SDK2: variants seen among roughly 807,000 people sequenced by gnomAD.
SDK2 encodes protein sidekick-2.
SDK2 carries 105 observed loss-of-function variants against 253.9 expected under a neutral mutation model. That is an observed-to-expected ratio of 0.41 (90% CI 0.35 to 0.49). SDK2 has a LOEUF of 0.49. SDK2 is among the 20% of genes least tolerant of loss of function. The pLI is 0.06. For synonymous variants in SDK2, 1,249 were observed against 1,234.9 expected (o/e 1.01, Z -0.24); for missense variants, 2,608 against 3,003.0 (o/e 0.87, Z 3.07).
rs367745115 is a variant in SDK2 at position 73,612,917 on chromosome 17, A to AAATAATAATAATAATAAT, written c.64+31090_64+31107dup. Among the ~76,000 whole-genome samples the AAATAATAATAATAATAAT allele has an allele frequency of 3.9e-3, 585 of 151,558 alleles. 3 individuals are homozygous for AAATAATAATAATAATAAT. The highest frequency in any genetic ancestry group is 0.014 in the African/African-American group (575 of 41,298). On this transcript the variant is annotated intron_variant, in intron 1 of 44. Coordinates refer to ENST00000392650, the MANE Select transcript of SDK2 (RefSeq NM_001144952.2). The surrounding 1 kb of genome is among the most constrained non-coding windows in gnomAD (Gnocchi z 4.4). The stretch of plus-strand genomic sequence containing the variant: ...GGGTGACAGAGCGAGACTCCGTCTC[A>AAATAATAATAATAATAAT]AATAATAATAATAATAATAATAGTA...
rs751366982 is a variant in SDK2, at chr17:73,395,124, A to G, written c.3592+31T>C. Reference sequence around the variant, plus strand: ...CATAGAGACCAAGGAGGGGACAGGCAGCAGGGTGGCTGGGTGTGAGGGGTT... The same window carrying G: ...CATAGAGACCAAGGAGGGGACAGGCGGCAGGGTGGCTGGGTGTGAGGGGTT... On this transcript the variant is annotated intron_variant, in intron 25 of 44. Transcript: ENST00000392650. This position sits in a 1 kb window ranked among gnomAD's most constrained non-coding sequence, Gnocchi z 4.3. The G allele has an allele frequency of 3.3e-6, 5 of 1,531,424 alleles. No homozygotes were observed. In the African/African-American group the frequency reaches 4.1e-5, roughly 13 times the overall value. The allele number at this position is 1,531,424 out of a possible 1,614,324, so 94.9% of individuals were successfully genotyped here.
Position 73,431,669 on chromosome 17 carries a change from CCT to C in SDK2, c.1313-2_1313-1del. On this transcript the variant is annotated splice_acceptor_variant, in intron 10 of 44. Transcript: ENST00000392650. LOFTEE classifies it high-confidence loss of function. The surrounding 1 kb of genome is among the most constrained non-coding windows in gnomAD (Gnocchi z 5.6). ...AGAGCCACTGGCCAAGATGCGCTCC[CCT>C]GAGGGCAAAACAGGGTGGGGGTCAG... is the stretch of plus-strand genomic sequence containing the variant. 1 of 1,604,362 alleles carries C rather than the reference CCT, an allele frequency of 6.2e-7. No individual in the cohort carries two copies. Among genetic ancestry groups the C allele is most frequent in the East Asian group, 2.2e-5 (1 of 44,612 alleles).
At chr17:73,525,194 G>A (rs545529227) in intron 1 of SDK2, among the ~76,000 whole-genome samples, 1 of 152,312 alleles carries the variant, frequency 6.6e-6, no homozygotes, top group South Asian at 2.1e-4. Context: ...CCCCAGCTGT[G>A]TGAGATCCAA....
chr17:73,636,782 A>G (rs1439153986), intron 1 of SDK2, among the ~76,000 whole-genome samples: 1 of 152,024 alleles, frequency 6.6e-6, no homozygotes, highest in Non-Finnish European at 1.5e-5. Context: ...ACCAGAGAAG[A>G]AAAGCCGTCT....
rs2044747079 is a variant in SDK2, at chr17:73,534,857, T to C, written c.65-27260A>G. Among the ~76,000 whole-genome samples, 1 of 152,146 alleles carries C rather than the reference T, an allele frequency of 6.6e-6. No individual in the cohort carries two copies. The highest frequency in any genetic ancestry group is 1.5e-5 in the Non-Finnish European group (1 of 68,008). ...CGGGCTCCCTGGACTCCTTTGCATC[T>C]TCTAGGCCTCCTTGTGGGGATACTG... On this transcript the variant is annotated intron_variant, in intron 1 of 44. Coordinates refer to ENST00000392650, the MANE Select transcript of SDK2 (RefSeq NM_001144952.2). The surrounding 1 kb of genome is among the most constrained non-coding windows in gnomAD (Gnocchi z 4.9).
intron 1 of SDK2, among the ~76,000 whole-genome samples, chr17:73,532,225 C>T (rs146680874): frequency 3.4e-5 from 4 of 118,268 alleles, no homozygotes; most frequent in Non-Finnish European, 4.8e-5. Context: ...CAACCAAGAA[C>T]GATCCAGCAC....
intron 1 of SDK2, among the ~76,000 whole-genome samples, chr17:73,532,630 T>C (rs930580421): frequency 7.2e-5 from 11 of 152,226 alleles, no homozygotes; most frequent in African/African-American, 2.7e-4. Context: ...CTTATCAACA[T>C]GGACTGCCAG....
chr17:73,422,887 G>A (rs1297103592), intron 14 of SDK2, among the ~76,000 whole-genome samples: 1 of 152,122 alleles, frequency 6.6e-6, no homozygotes, highest in Non-Finnish European at 1.5e-5. Flanking sequence ...TGGGCATGGT[G>A]ATGTATGCCT....
At chr17:73,462,025 G>A (rs2145674640) in intron 3 of SDK2, among the ~76,000 whole-genome samples, 1 of 152,034 alleles carries the variant, frequency 6.6e-6, no homozygotes, top group South Asian at 2.1e-4. Context: ...ATGTATGCAT[G>A]TATGTTTGTA....
chr17:73,570,292 A>G lies in SDK2; in HGVS notation c.65-62695T>C, dbSNP rs7213334. On this transcript the variant is annotated intron_variant, in intron 1 of 44. Transcript: ENST00000392650. The surrounding 1 kb of genome is among the most constrained non-coding windows in gnomAD (Gnocchi z 4.2). The stretch of plus-strand genomic sequence containing the variant: ...CCCATAGGAGTGGTAGACCCCGTCT[A>G]CACCGGGTCCAGAAACCACACAACC... Among the ~76,000 whole-genome samples the G allele has an allele frequency of 0.15, 22,951 of 152,002 alleles. 1,834 individuals are homozygous for G. The highest frequency in any genetic ancestry group is 0.2 in the South Asian group (951 of 4,804).
chr17:73,631,231 T>C (rs1392838419), intron 1 of SDK2, among the ~76,000 whole-genome samples: 1 of 152,134 alleles, frequency 6.6e-6, no homozygotes, highest in Non-Finnish European at 1.5e-5. Context: ...CCCTCGGCCC[T>C]CCTTGGCAGC....
Position 73,434,725 on chromosome 17 carries a change from G to C in SDK2, c.1195+725C>G, listed in dbSNP as rs558439681. Among the ~76,000 whole-genome samples the C allele has an allele frequency of 2.1e-3, 315 of 152,260 alleles. 3 individuals are homozygous for C. Among genetic ancestry groups the C allele is most frequent in the Middle Eastern group, 0.02 (6 of 294 alleles). ...GCGCCATCTTGGCCTCTGCCTCCTG[G>C]GCCTGAGTGGTCCTCTCACTTCAGC... On this transcript the variant is annotated intron_variant, in intron 9 of 44. Coordinates refer to ENST00000392650, the MANE Select transcript of SDK2 (RefSeq NM_001144952.2).
intron 5 of SDK2, among the ~76,000 whole-genome samples, chr17:73,445,280 G>C (rs2145639649): frequency 6.6e-6 from 1 of 152,356 alleles, no homozygotes; most frequent in Non-Finnish European, 1.5e-5. Flanking sequence ...AAATAAAATA[G>C]AGTAATAAAA....
Position 73,383,178 on chromosome 17 carries a change from G to A in SDK2, c.4705+698C>T, listed in dbSNP as rs1432673917. Among the ~76,000 whole-genome samples the A allele has an allele frequency of 1.3e-5, 2 of 152,204 alleles. No individual in the cohort carries two copies. Among genetic ancestry groups the A allele is most frequent in the Admixed American group, 6.5e-5 (1 of 15,282 alleles). The stretch of plus-strand genomic sequence containing the variant: ...CACGTGACTGCAACAGCCTCTATCT[G>A]GGCGCCTGCCTCTGGCTCTCCATCC... On this transcript the variant is annotated intron_variant, in intron 33 of 44. Coordinates refer to ENST00000392650, the MANE Select transcript of SDK2 (RefSeq NM_001144952.2). The surrounding 1 kb of genome is among the most constrained non-coding windows in gnomAD (Gnocchi z 4.3).
chr17:73,631,024 A>T (rs1567883396), intron 1 of SDK2, among the ~76,000 whole-genome samples: 1 of 152,150 alleles, frequency 6.6e-6, no homozygotes, highest in Non-Finnish European at 1.5e-5. Flanking sequence ...ACAGAGGAGC[A>T]TGGGCAGTGG....
chr17:73,515,480 G>A (rs1280112139), intron 1 of SDK2, among the ~76,000 whole-genome samples: 1 of 152,242 alleles, frequency 6.6e-6, no homozygotes, highest in Non-Finnish European at 1.5e-5. Flanking sequence ...CTGCGAATTA[G>A]CTAGAAGGAT....
At chr17:73,406,640 T>C (rs986840363) in intron 18 of SDK2, among the ~76,000 whole-genome samples, 6 of 152,186 alleles carry the variant, frequency 3.9e-5, no homozygotes, top group Non-Finnish European at 7.3e-5. Flanking sequence ...AGGACAAGGA[T>C]TGAAGCTGAT....
Position 73,386,447 on chromosome 17 carries a change from G to C in SDK2, c.4496C>G (p.Ala1499Gly). Residue 1499 changes from alanine (A) to glycine (G), a missense_variant and splice_region_variant, in exon 31 of 45, where the codon GCT becomes GGT. By Grantham distance (60) the Ala-to-Gly change is moderately conservative (BLOSUM62 0). Transcript: ENST00000392650. The stretch of plus-strand genomic sequence containing the variant: ...ACTGCTGGGGAAGGGGTACTGACCA[G>C]CCTGCAGGGTGGTCAGTGACTCCGA... The part of the protein sequence containing the change: ...EESESLTTLQ[A>G]APDEAPTILS... 3 of 1,543,294 alleles carry C rather than the reference G, an allele frequency of 1.9e-6. No individual in the cohort carries two copies. The highest frequency in any genetic ancestry group is 2.6e-6 in the Non-Finnish European group (3 of 1,138,300).
chr17:73,375,948 C>T (rs1403125180), intron 36 of SDK2, among the ~76,000 whole-genome samples: 1 of 151,896 alleles, frequency 6.6e-6, no homozygotes, highest in Non-Finnish European at 1.5e-5. Flanking sequence ...GTAATCCCAG[C>T]ACTTTGGGAG....
Sources: allele counts gnomAD v4.1 joint callset (sites outside exome capture counted in the v4.1 genomes callset), GRCh38; gene constraint gnomAD v4.1.1; non-coding constraint Gnocchi (gnomAD v3.1); transcripts MANE v1.5; gene names NCBI Gene and HGNC (gene_info 2026-07-23, HGNC 2026-07-21).